COG5: variants seen among roughly 807,000 people sequenced by gnomAD.
COG5 encodes component of oligomeric golgi complex 5.
COG5 carries 86 observed loss-of-function variants against 110.4 expected under a neutral mutation model. The ratio of observed to expected loss-of-function variants is 0.78; its 90% CI spans 0.65 to 0.93. The LOEUF (loss-of-function observed/expected upper bound fraction) is 0.93. COG5 is among the 40% of genes least tolerant of loss of function. COG5 has a pLI of 0.00. For synonymous variants in COG5, 360 were observed against 334.6 expected (o/e 1.08, Z -0.83); for missense variants, 1,077 against 987.0 (o/e 1.09, Z -1.22).
intron 6 of COG5, among the ~76,000 whole-genome samples, chr7:107,511,686 G>C (rs1044101117): frequency 6.6e-6 from 1 of 152,190 alleles, no homozygotes; most frequent in African/African-American, 2.4e-5. Flanking sequence ...ACATCAAAAA[G>C]CTTATCTACC....
Position 107,468,517 on chromosome 7 carries a change from T to C in COG5, c.539-55885A>G, listed in dbSNP as rs570083564. ...CCTTTTCCCCAACTTTCAAAACGCATGAATAGCAGCACAACATTTTCATTT... is the reference window on the plus strand; with the variant it reads ...CCTTTTCCCCAACTTTCAAAACGCACGAATAGCAGCACAACATTTTCATTT... On this transcript the variant is annotated intron_variant, in intron 6 of 21. Transcript: ENST00000297135. 2.6e-5 allele frequency among the ~76,000 whole-genome samples: 4 copies of C among 152,174 alleles called. No homozygotes were observed. In the South Asian group the frequency reaches 6.2e-4, roughly 24 times the overall value.
chr7:107,428,413 G>C (rs913699242), intron 6 of COG5, among the ~76,000 whole-genome samples: 2 of 152,124 alleles, frequency 1.3e-5, no homozygotes, highest in Non-Finnish European at 2.9e-5. Context: ...TAAAGCCACA[G>C]AGACCTAGGA....
chr7:107,546,478 C>T (rs1238779809), intron 5 of COG5, among the ~76,000 whole-genome samples: 35 of 133,714 alleles, frequency 2.6e-4, no homozygotes, highest in African/African-American at 8.7e-4. Context: ...CTCTTTTGTC[C>T]AGGCTCCAGT....
intron 10 of COG5, among the ~76,000 whole-genome samples, chr7:107,332,488 T>C (rs1810340202): frequency 6.6e-6 from 1 of 152,106 alleles, no homozygotes; most frequent in South Asian, 2.1e-4. Context: ...ATAAATATTT[T>C]AAAAGGAAGG....
chr7:107,434,708 C>T (rs553780534), intron 6 of COG5, among the ~76,000 whole-genome samples: 93 of 152,254 alleles, frequency 6.1e-4, no homozygotes, highest in African/African-American at 2.0e-3. Context: ...CGGTGGCTCA[C>T]GCCTGTAATC....
intron 6 of COG5, among the ~76,000 whole-genome samples, chr7:107,498,586 A>T (rs899325307): frequency 6.6e-6 from 1 of 152,144 alleles, no homozygotes; most frequent in Admixed American, 6.5e-5. Context: ...ACCACCTCAC[A>T]TCCGTTAGAA....
At chr7:107,360,007 C>T (rs1812962833) in intron 10 of COG5, among the ~76,000 whole-genome samples, 1 of 152,186 alleles carries the variant, frequency 6.6e-6, no homozygotes, top group Non-Finnish European at 1.5e-5. Context: ...AAGCTAACCA[C>T]TCGAGGTCTC....
intron 19 of COG5, among the ~76,000 whole-genome samples, chr7:107,229,174 G>C (rs1470279930): frequency 1.3e-5 from 2 of 152,122 alleles, no homozygotes; most frequent in Admixed American, 1.3e-4. Context: ...TCTTCGGCTA[G>C]GCGCAGTGGC....
At chr7:107,285,724 G>C (rs1419218953) in intron 12 of COG5, among the ~76,000 whole-genome samples, 1 of 151,866 alleles carries the variant, frequency 6.6e-6, no homozygotes, top group African/African-American at 2.4e-5. Context: ...GGCCGGACCT[G>C]GTGGCATGGT....
intron 6 of COG5, among the ~76,000 whole-genome samples, chr7:107,430,243 T>C (rs1024997831): frequency 4.6e-5 from 7 of 152,358 alleles, no homozygotes; most frequent in Admixed American, 3.3e-4. Context: ...AGGTATATGA[T>C]ACATTTTTAG....
At chr7:107,419,752 G>T (rs1793143151) in intron 6 of COG5, among the ~76,000 whole-genome samples, 1 of 152,058 alleles carries the variant, frequency 6.6e-6, no homozygotes, top group Admixed American at 6.6e-5. Context: ...ATTTTTTGTA[G>T]AGACAGGGTT....
At chr7:107,270,085 C>G (rs1804121674) in intron 14 of COG5, among the ~76,000 whole-genome samples, 2 of 152,180 alleles carry the variant, frequency 1.3e-5, no homozygotes, top group Non-Finnish European at 2.9e-5. Flanking sequence ...TTTTTAGGCA[C>G]TTGGACTTGC....
chr7:107,364,085 TGAAGTGA>T (rs890250855), intron 8 of COG5, among the ~76,000 whole-genome samples: 5 of 152,200 alleles, frequency 3.3e-5, no homozygotes, highest in African/African-American at 1.2e-4. Flanking sequence ...GCCAATTTAA[TGAAGTGA>T]TCTAATTTAG....
intron 12 of COG5, among the ~76,000 whole-genome samples, chr7:107,287,501 C>T (rs1418263506): frequency 6.6e-6 from 1 of 152,192 alleles, no homozygotes; most frequent in Non-Finnish European, 1.5e-5. Flanking sequence ...CATACCACCA[C>T]TTGAATTCAA....
At chr7:107,343,211 C>T (rs1475408947) in intron 10 of COG5, among the ~76,000 whole-genome samples, 1 of 152,092 alleles carries the variant, frequency 6.6e-6, no homozygotes, top group African/African-American at 2.4e-5. Flanking sequence ...ACACTCGGGT[C>T]TACTAGAGGA....
At chr7:107,443,381 T>C (rs969850267) in intron 6 of COG5, among the ~76,000 whole-genome samples, 2 of 152,152 alleles carry the variant, frequency 1.3e-5, no homozygotes, top group African/African-American at 4.8e-5. Flanking sequence ...GGAGAGTGAC[T>C]GTTAATAGGT....
rs533549083 is a variant in COG5, at chr7:107,529,348, T to C, written c.418-1991A>G. On this transcript the variant is annotated intron_variant, in intron 5 of 21. Coordinates refer to ENST00000297135, the MANE Select transcript of COG5 (RefSeq NM_006348.5). ...TATCACATTGCCTCTCTAAAACTGA[T>C]AAATTGGCAGCCAGTGCCAGGGAGA... Among the ~76,000 whole-genome samples, 4 of 152,290 alleles carry C rather than the reference T, an allele frequency of 2.6e-5. No individual in the cohort carries two copies. In the East Asian group the frequency reaches 5.8e-4, roughly 22 times the overall value.
At chr7:107,263,554 A>AAC (rs1803547238) in intron 14 of COG5, among the ~76,000 whole-genome samples, 1 of 152,118 alleles carries the variant, frequency 6.6e-6, no homozygotes, top group South Asian at 2.1e-4. Flanking sequence ...TTATTTTTAA[A>AAC]ACACACACAC....
chr7:107,265,730 A>T (rs1035026301), intron 14 of COG5, among the ~76,000 whole-genome samples: 1 of 152,206 alleles, frequency 6.6e-6, no homozygotes, highest in Non-Finnish European at 1.5e-5. Flanking sequence ...TGTGCTCACA[A>T]TTAAATTATC....
Sources: allele counts gnomAD v4.1 joint callset (sites outside exome capture counted in the v4.1 genomes callset), GRCh38; gene constraint gnomAD v4.1.1; transcripts MANE v1.5; gene names NCBI Gene and HGNC (gene_info 2026-07-23, HGNC 2026-07-21).